KCNH8: variants seen among roughly 807,000 people sequenced by gnomAD.
KCNH8 encodes potassium voltage-gated channel subfamily H member 8.
KCNH8 carries 70 observed loss-of-function variants against 103.6 expected under a neutral mutation model. That is an observed-to-expected ratio of 0.68 (90% confidence interval 0.56 to 0.82). KCNH8 has a LOEUF of 0.82. Ranked by LOEUF, KCNH8 falls within the 40% of genes least tolerant of loss-of-function variation. The probability of loss-of-function intolerance (pLI) is 0.00; values close to 1 mark genes in which losing one functional copy is unlikely to be tolerated. For missense variants in KCNH8, 1,217 were observed against 1,329.9 expected, an observed-to-expected ratio of 0.92 and a Z score of 1.32; for synonymous variants, 498 against 489.4, an observed-to-expected ratio of 1.02 and a Z score of -0.23.
At chr3:19,296,662 A>C (rs2064999960) in intron 3 of KCNH8, among the ~76,000 whole-genome samples, 1 of 152,242 alleles carries the variant, frequency 6.6e-6, no homozygotes. Flanking sequence ...CAAAAGCATA[A>C]GAATGATACG....
chr3:19,410,141 C>CTT (rs1324205303), intron 7 of KCNH8, among the ~76,000 whole-genome samples: 7 of 151,928 alleles, frequency 4.6e-5, no homozygotes, highest in African/African-American at 1.7e-4. Flanking sequence ...TTAAAAAATA[C>CTT]TTGAATAAGT....
chr3:19,497,639 G>A (rs1486126050), intron 11 of KCNH8, among the ~76,000 whole-genome samples: 1 of 152,166 alleles, frequency 6.6e-6, no homozygotes, highest in African/African-American at 2.4e-5. Flanking sequence ...TGAATTTGCT[G>A]AGGGTTATTT....
chr3:19,195,317 T>G (rs1216393381), intron 1 of KCNH8, among the ~76,000 whole-genome samples: 1 of 151,932 alleles, frequency 6.6e-6, no homozygotes, highest in Non-Finnish European at 1.5e-5. Context: ...TCTTCCTGTC[T>G]CTATTCTATT....
intron 11 of KCNH8, among the ~76,000 whole-genome samples, chr3:19,493,180 G>C (rs1398064432): frequency 1.3e-5 from 2 of 152,004 alleles, no homozygotes; most frequent in African/African-American, 4.8e-5. Flanking sequence ...GAGACAGTTT[G>C]GCCTCTTGTC....
chr3:19,279,598 A>G (rs1039052143), intron 2 of KCNH8, among the ~76,000 whole-genome samples: 2 of 151,864 alleles, frequency 1.3e-5, no homozygotes, highest in African/African-American at 2.4e-5. Context: ...GGAGGAAATC[A>G]TGACTCTAAA....
chr3:19,487,014 C>T (rs755601982), intron 11 of KCNH8, among the ~76,000 whole-genome samples: 1 of 152,202 alleles, frequency 6.6e-6, no homozygotes, highest in African/African-American at 2.4e-5. Flanking sequence ...GCGCACCCGA[C>T]TGCCAAGGAG....
rs79829007 is a variant in KCNH8 at position 19,346,464 on chromosome 3, A to G, written c.571-1261A>G. Among the ~76,000 whole-genome samples, 1,420 of 152,194 alleles carry G rather than the reference A, an allele frequency of 9.3e-3. 7 individuals carry two copies. The highest frequency in any genetic ancestry group is 0.013 in the Non-Finnish European group (899 of 67,994). The stretch of plus-strand genomic sequence containing the variant: ...TGACCCACCACGAAGTACTGACATT[A>G]TGAGATGCCTGTGTGGGTTGAGTGA... On this transcript the variant is annotated intron_variant, in intron 4 of 15. Transcript: ENST00000328405.
chr3:19,258,566 G>C (rs1371256164), intron 2 of KCNH8, among the ~76,000 whole-genome samples: 5 of 151,938 alleles, frequency 3.3e-5, no homozygotes, highest in Non-Finnish European at 7.4e-5. Flanking sequence ...CTAACTACCT[G>C]AATCCTGAAC....
At position 19,248,561 on chromosome 3, in the gene KCNH8, C is replaced by T. The variant is rs149183275; in HGVS notation, c.77-5093C>T. ...TAAAAATATTTTTTCTACAATTTAC[C>T]CATTTCTCCTGCTAGTAGCGAGCAA... On this transcript the variant is annotated intron_variant, in intron 1 of 15. Transcript: ENST00000328405. Among the ~76,000 whole-genome samples, 433 of 152,108 alleles carry T rather than the reference C, an allele frequency of 2.8e-3. 3 individuals carry two copies. Among genetic ancestry groups the T allele is most frequent in the African/African-American group, 0.01 (415 of 41,492 alleles).
At chr3:19,200,900 TA>T (rs994083180) in intron 1 of KCNH8, among the ~76,000 whole-genome samples, 15 of 151,798 alleles carry the variant, frequency 9.9e-5, no homozygotes, top group East Asian at 5.8e-4. Flanking sequence ...TTGAAGTATG[TA>T]AAAAAAATTA....
chr3:19,256,292 G>A (rs2064345446), intron 2 of KCNH8, among the ~76,000 whole-genome samples: 1 of 152,110 alleles, frequency 6.6e-6, no homozygotes, highest in African/African-American at 2.4e-5. Flanking sequence ...TGAAGTATTG[G>A]AGACTATCTC....
At chr3:19,361,564 A>C (rs1187901539) in intron 5 of KCNH8, among the ~76,000 whole-genome samples, 1 of 152,206 alleles carries the variant, frequency 6.6e-6, no homozygotes, top group Non-Finnish European at 1.5e-5. Context: ...GAGATACTTT[A>C]GAAACACATG....
rs2067542896 is a variant in KCNH8, at chr3:19,456,960, T to A, written c.2018T>A (p.Leu673His). ...EDIQHDLTYN[L>H]REGHESDVIS... ...ATTCAGCATGACCTCACATACAACCTCCGAGAAGGTCATGAGAGTGATGTA... is the reference window on the plus strand; with the variant it reads ...ATTCAGCATGACCTCACATACAACCACCGAGAAGGTCATGAGAGTGATGTA... Residue 673 changes from leucine to histidine, a missense_variant, in exon 11 of 16, where the codon CTC (leucine) becomes CAC (histidine). By Grantham distance (99) the Leu-to-His change is moderately conservative. Transcript: ENST00000328405. 1.9e-6 allele frequency: 3 copies of A among 1,610,396 alleles called. No individual in the cohort carries two copies. The highest frequency in any genetic ancestry group is 1.3e-5 in the African/African-American group (1 of 74,638).
chr3:19,205,104 C>T (rs905305639), intron 1 of KCNH8, among the ~76,000 whole-genome samples: 6 of 151,946 alleles, frequency 3.9e-5, no homozygotes, highest in Admixed American at 3.3e-4. Flanking sequence ...CATCTACTTA[C>T]CTGTTTGTTC....
intron 1 of KCNH8, among the ~76,000 whole-genome samples, chr3:19,203,518 A>G (rs146930330): frequency 0.02 from 2,992 of 152,218 alleles, 93 homozygotes; most frequent in African/African-American, 0.067. Context: ...TTTATGGTTT[A>G]CAAAAAATGT....
At chr3:19,404,907 T>C (rs900964367) in intron 7 of KCNH8, among the ~76,000 whole-genome samples, 5 of 151,924 alleles carry the variant, frequency 3.3e-5, no homozygotes, top group Non-Finnish European at 4.4e-5. Flanking sequence ...ATTTTTCTTC[T>C]GTTGACAGTA....
chr3:19,163,912 A>T (rs1231427952), intron 1 of KCNH8, among the ~76,000 whole-genome samples: 1 of 152,220 alleles, frequency 6.6e-6, no homozygotes, highest in Non-Finnish European at 1.5e-5. Flanking sequence ...TTGTAAGAAT[A>T]CAGTGTATAG....
chr3:19,217,346 G>C (rs1401622744), intron 1 of KCNH8, among the ~76,000 whole-genome samples: 1 of 152,174 alleles, frequency 6.6e-6, no homozygotes, highest in Non-Finnish European at 1.5e-5. Flanking sequence ...CTAGTTATGA[G>C]TAGTTATGAT....
chr3:19,372,799 T>A (rs2066121977), intron 5 of KCNH8, among the ~76,000 whole-genome samples: 1 of 152,148 alleles, frequency 6.6e-6, no homozygotes, highest in Non-Finnish European at 1.5e-5. Context: ...AATACCGAAT[T>A]TATTGAGAGT....
Sources: allele counts gnomAD v4.1 joint callset (sites outside exome capture counted in the v4.1 genomes callset), GRCh38; gene constraint gnomAD v4.1.1; transcripts MANE v1.5; gene names NCBI Gene and HGNC (gene_info 2026-07-23, HGNC 2026-07-21).